Variants in ARHGAP10 observed in about 807,000 individuals in gnomAD.
ARHGAP10 encodes the protein rho GTPase-activating protein 10.
A neutral mutation model predicts 108.6 loss-of-function variants in ARHGAP10; 87 were observed. That is an observed-to-expected ratio of 0.80 (90% CI 0.67 to 0.96). The LOEUF (loss-of-function observed/expected upper bound fraction) is 0.96. Ranked by LOEUF, ARHGAP10 falls within the 40% of genes least tolerant of loss-of-function variation. The probability of loss-of-function intolerance (pLI) is 0.00; values close to 1 mark genes in which losing one functional copy is unlikely to be tolerated. For synonymous variants in ARHGAP10, 347 were observed against 341.1 expected, an observed-to-expected ratio of 1.02 and a Z score of -0.19; for missense variants, 939 against 954.5, an observed-to-expected ratio of 0.98 and a Z score of 0.21.
intron 19 of ARHGAP10, among the ~76,000 whole-genome samples, chr4:148,030,486 G>T (rs898368954): frequency 6.6e-6 from 1 of 152,222 alleles, no homozygotes; most frequent in African/African-American, 2.4e-5. Context: ...AAGATGAGCA[G>T]AAATCTTGAG....
At chr4:147,982,733 A>G (rs1318324514) in intron 18 of ARHGAP10, among the ~76,000 whole-genome samples, 1 of 151,588 alleles carries the variant, frequency 6.6e-6, no homozygotes, top group Non-Finnish European at 1.5e-5. Context: ...TAACCTCTCA[A>G]GCAAGATTGG....
At chr4:147,980,055 A>T (rs1739751074) in intron 18 of ARHGAP10, among the ~76,000 whole-genome samples, 1 of 152,174 alleles carries the variant, frequency 6.6e-6, no homozygotes, top group South Asian at 2.1e-4. Context: ...TGCTCTGGGT[A>T]GGACTTCTAG....
chr4:148,047,267 G>C (rs1728932947), intron 20 of ARHGAP10, among the ~76,000 whole-genome samples: 1 of 152,198 alleles, frequency 6.6e-6, no homozygotes, highest in Non-Finnish European at 1.5e-5. Context: ...GTAGCTGGAT[G>C]CTATGTCAAA....
intron 18 of ARHGAP10, among the ~76,000 whole-genome samples, chr4:147,977,993 G>T (rs910994021): frequency 6.6e-6 from 1 of 152,216 alleles, no homozygotes; most frequent in South Asian, 2.1e-4. Context: ...ACGTGATTTT[G>T]GTTTTTTAAC....
chr4:147,822,639 C>A, intron 1 of ARHGAP10, 88 bp from the exon 2 acceptor site: 2 of 1,349,612 alleles, frequency 1.5e-6, no homozygotes, highest in Non-Finnish European at 2.1e-6. Flanking sequence ...GAGAGCTCTA[C>A]AGCTTTACCA....
intron 10 of ARHGAP10, among the ~76,000 whole-genome samples, chr4:147,893,323 G>T (rs769519137): frequency 2.6e-5 from 4 of 151,720 alleles, no homozygotes; most frequent in Non-Finnish European, 5.9e-5. Flanking sequence ...CTCCCAAAGT[G>T]CTGGGATTAC....
At chr4:148,070,889 C>G (rs1467781455) in intron 22 of ARHGAP10, among the ~76,000 whole-genome samples, 1 of 152,166 alleles carries the variant, frequency 6.6e-6, no homozygotes. Flanking sequence ...TTATGAAATG[C>G]TTCTGTATTG....
chr4:147,843,689 G>A (rs1025750548), intron 3 of ARHGAP10, among the ~76,000 whole-genome samples: 7 of 152,102 alleles, frequency 4.6e-5, no homozygotes, highest in Non-Finnish European at 1.0e-4. Context: ...GGCTAATTTT[G>A]TACTTTTAGT....
chr4:147,762,355 A>G (rs1405503768), intron 1 of ARHGAP10, among the ~76,000 whole-genome samples: 2 of 151,920 alleles, frequency 1.3e-5, no homozygotes, highest in Non-Finnish European at 2.9e-5. Context: ...AATTAATGTT[A>G]TTTCTAACTG....
intron 1 of ARHGAP10, among the ~76,000 whole-genome samples, chr4:147,811,463 A>C (rs896279714): frequency 6.6e-6 from 1 of 152,210 alleles, no homozygotes; most frequent in Non-Finnish European, 1.5e-5. Flanking sequence ...AAGCATGGCC[A>C]CATTATCCTG....
intron 14 of ARHGAP10, among the ~76,000 whole-genome samples, chr4:147,944,129 A>T (rs113081304): frequency 2.6e-5 from 4 of 152,238 alleles, no homozygotes; most frequent in African/African-American, 9.6e-5. Context: ...AATTGATTTA[A>T]TGAGAGAGAG....
At chr4:147,843,396 G>T (rs912462818) in intron 3 of ARHGAP10, among the ~76,000 whole-genome samples, 1 of 152,112 alleles carries the variant, frequency 6.6e-6, no homozygotes, top group Non-Finnish European at 1.5e-5. Context: ...TCCCCACGTG[G>T]TCTCACCTGT....
At chr4:147,980,349 T>G (rs775267591) in intron 18 of ARHGAP10, among the ~76,000 whole-genome samples, 6 of 152,218 alleles carry the variant, frequency 3.9e-5, no homozygotes, top group African/African-American at 7.2e-5. Flanking sequence ...TTTATTGATT[T>G]GGGTAGATGA....
At chr4:147,821,094 A>G (rs1277314935) in intron 1 of ARHGAP10, among the ~76,000 whole-genome samples, 2 of 152,122 alleles carry the variant, frequency 1.3e-5, no homozygotes, top group African/African-American at 4.8e-5. Flanking sequence ...TGCTGCGGCA[A>G]CTATACGGGG....
intron 20 of ARHGAP10, among the ~76,000 whole-genome samples, chr4:148,055,995 G>A (rs548259093): frequency 1.3e-5 from 2 of 152,272 alleles, no homozygotes; most frequent in South Asian, 2.1e-4. Context: ...TGAGCAAACC[G>A]TGGCCCACTG....
intron 1 of ARHGAP10, among the ~76,000 whole-genome samples, chr4:147,775,972 A>G (rs1241873925): frequency 2.6e-5 from 4 of 152,222 alleles, no homozygotes; most frequent in African/African-American, 4.8e-5. Flanking sequence ...TAAGCTGGCT[A>G]TGATGGCACC....
chr4:148,040,153 G>C (rs374656641), intron 19 of ARHGAP10, among the ~76,000 whole-genome samples: 1 of 152,158 alleles, frequency 6.6e-6, no homozygotes, highest in East Asian at 1.9e-4. Context: ...CCAGCACAAT[G>C]TTCTTGTCCT....
At chr4:148,038,605 C>T (rs555857760) in intron 19 of ARHGAP10, among the ~76,000 whole-genome samples, 13 of 152,256 alleles carry the variant, frequency 8.5e-5, no homozygotes, top group African/African-American at 3.1e-4. Context: ...GGTACAGCAT[C>T]ATTAGAAGAG....
chr4:147,732,551 A>G lies in ARHGAP10; in HGVS notation c.154+96A>G, dbSNP rs575461831. 1.8e-4 allele frequency: 268 copies of G among 1,517,052 alleles called. 2 individuals are homozygous for G. The South Asian group carries it at 1.8e-3, about 10-fold the overall frequency. 94.0% of individuals were successfully genotyped at this position (1,517,052 alleles called of 1,614,324 possible). The stretch of plus-strand genomic sequence containing the variant: ...GACGGAGGGTCTTGTGTCCGGGGCC[A>G]GCAGCCAGAGGAACGGGGAATTCAT... On this transcript the variant is annotated intron_variant, in intron 1 of 22. Coordinates refer to ENST00000336498, the MANE Select transcript of ARHGAP10 (RefSeq NM_024605.4).
Sources: gnomAD v4.1 joint callset for allele counts (sites outside exome capture counted in the v4.1 genomes callset) on GRCh38, gnomAD v4.1.1 for gene constraint, MANE v1.5 for transcripts, NCBI Gene and HGNC (gene_info 2026-07-23, HGNC 2026-07-21) for gene names.